The following DISC1 variants were observed in gnomAD, a reference collection of about 807,000 sequenced individuals.
DISC1 encodes DISC1 scaffold protein.
Under a neutral mutation model 84.5 loss-of-function variants are expected in DISC1, and 57 were observed. The ratio of observed to expected loss-of-function variants is 0.67; its 90% CI spans 0.55 to 0.84. DISC1 has a LOEUF of 0.84. DISC1 is among the 40% of genes least tolerant of loss of function. The pLI is 0.00. For synonymous variants in DISC1, 411 were observed against 415.2 expected (o/e 0.99, Z 0.12); for missense variants, 1,000 against 1,057.8 (o/e 0.95, Z 0.76).
At chr1:231,744,883 A>G (rs1482971901) in intron 3 of DISC1, among the ~76,000 whole-genome samples, 4 of 152,176 alleles carry the variant, frequency 2.6e-5, no homozygotes, top group Admixed American at 2.6e-4. Context: ...TTTAAAGAGT[A>G]TCTACAGAAT....
intron 10 of DISC1, chr1:231,959,364 T>A: frequency 1.0e-6 from 1 of 985,870 alleles, no homozygotes; most frequent in Non-Finnish European, 1.2e-6. Flanking sequence ...AATTAGGAAT[T>A]CATCTTTGAG....
chr1:232,000,630 C>T (rs7525995), intron 10 of DISC1, among the ~76,000 whole-genome samples: 1,548 of 152,156 alleles, frequency 0.01, 29 homozygotes, highest in African/African-American at 0.035. Flanking sequence ...AAAATAAATC[C>T]ACACTAAGAC....
chr1:231,719,467 G>A (rs1433778421), intron 3 of DISC1, among the ~76,000 whole-genome samples: 1 of 152,174 alleles, frequency 6.6e-6, no homozygotes, highest in East Asian at 1.9e-4. Flanking sequence ...GGTCAACCTT[G>A]TTAAAAACCT....
At chr1:231,815,505 G>A (rs971108600) in intron 8 of DISC1, among the ~76,000 whole-genome samples, 2 of 152,176 alleles carry the variant, frequency 1.3e-5, no homozygotes, top group Non-Finnish European at 2.9e-5. Flanking sequence ...TTGGAAGGCT[G>A]AGGTGGGTGG....
chr1:231,744,532 G>T (rs1282741993), intron 3 of DISC1, among the ~76,000 whole-genome samples: 2 of 152,056 alleles, frequency 1.3e-5, no homozygotes, highest in African/African-American at 2.4e-5. Flanking sequence ...CAAAGAAAAT[G>T]GAATCAACTT....
intron 10 of DISC1, among the ~76,000 whole-genome samples, chr1:231,992,832 G>T (rs1156432404): frequency 1.3e-5 from 2 of 152,164 alleles, no homozygotes. Context: ...TAGCTTCCCT[G>T]AGTGTTCATT....
chr1:231,896,996 G>A (rs1261135384), intron 9 of DISC1, among the ~76,000 whole-genome samples: 1 of 152,194 alleles, frequency 6.6e-6, no homozygotes, highest in East Asian at 1.9e-4. Context: ...ATCACTGACT[G>A]TTACGGGATC....
intron 1 of DISC1, among the ~76,000 whole-genome samples, chr1:231,669,470 G>A (rs879123925): frequency 2.6e-5 from 4 of 152,008 alleles, no homozygotes; most frequent in African/African-American, 4.8e-5. Flanking sequence ...TTTACAAACT[G>A]CATCCAACGA....
chr1:231,834,909 C>T lies in DISC1; in HGVS notation c.1981+16392C>T, dbSNP rs553561699. Among the ~76,000 whole-genome samples the T allele has an allele frequency of 4.6e-5, 7 of 152,342 alleles. No homozygotes were observed. In the South Asian group the frequency reaches 1.4e-3, roughly 32 times the overall value. ...TTAAACACCAAGCGAAGACTGTCTT[C>T]CCGAGTCCGTGAACAGCGCCAGAGT... On this transcript the variant is annotated intron_variant, in intron 9 of 12. Coordinates refer to ENST00000439617, the MANE Select transcript of DISC1 (RefSeq NM_018662.3).
intron 3 of DISC1, chr1:231,722,987 C>T (rs2125115914): frequency 2.5e-5 from 29 of 1,157,450 alleles, no homozygotes; most frequent in Non-Finnish European, 2.9e-5. Flanking sequence ...GGGAATTAAA[C>T]TTCGGAGGCC....
At chr1:231,802,855 T>C (rs113852181) in intron 8 of DISC1, among the ~76,000 whole-genome samples, 152 of 152,142 alleles carry the variant, frequency 1.0e-3, no homozygotes, top group Non-Finnish European at 1.8e-3. Context: ...TTTTTCTAGT[T>C]TCTGATATAT....
At position 232,036,478 on chromosome 1, in the gene DISC1, C is replaced by G. The variant is rs375949284; in HGVS notation, c.2426-214C>G. On this transcript the variant is annotated intron_variant, in intron 12 of 12. Transcript: ENST00000439617. ...TTTTTAAGACCTGACTTGAGAGAGT[C>G]AATACCTCAGGCATTGTAGAAATTG... Among the ~76,000 whole-genome samples, 66 of 152,256 alleles carry G rather than the reference C, an allele frequency of 4.3e-4. 1 individual carries two copies. The South Asian group carries it at 0.012, about 28-fold the overall frequency.
At chr1:231,741,625 G>A (rs2073291291) in intron 3 of DISC1, among the ~76,000 whole-genome samples, 1 of 152,168 alleles carries the variant, frequency 6.6e-6, no homozygotes, top group Non-Finnish European at 1.5e-5. Context: ...CCTGTGCTTA[G>A]GGAGCTGGTG....
At chr1:231,769,466 G>T (rs2076398005) in intron 5 of DISC1, among the ~76,000 whole-genome samples, 1 of 152,208 alleles carries the variant, frequency 6.6e-6, no homozygotes, top group East Asian at 1.9e-4. Flanking sequence ...CTACAGCATG[G>T]TTGAACCTTG....
At chr1:232,033,469 G>A (rs1007534584) in intron 12 of DISC1, among the ~76,000 whole-genome samples, 29 of 152,242 alleles carry the variant, frequency 1.9e-4, no homozygotes, top group African/African-American at 6.3e-4. Context: ...CCAAACTGAC[G>A]ATGTCACCCC....
chr1:231,914,782 A>G (rs1158582446), intron 9 of DISC1, among the ~76,000 whole-genome samples: 1 of 152,240 alleles, frequency 6.6e-6, no homozygotes, highest in African/African-American at 2.4e-5. Context: ...TAAGTCCACG[A>G]CATTTCTGTC....
At chr1:231,918,047 G>A (rs1408786972) in intron 9 of DISC1, among the ~76,000 whole-genome samples, 1 of 152,246 alleles carries the variant, frequency 6.6e-6, no homozygotes, top group Non-Finnish European at 1.5e-5. Flanking sequence ...TCTGATGCAT[G>A]TTCATGACTT....
intron 9 of DISC1, among the ~76,000 whole-genome samples, chr1:231,846,598 C>T (rs1221794669): frequency 6.6e-6 from 1 of 152,156 alleles, no homozygotes; most frequent in Non-Finnish European, 1.5e-5. Flanking sequence ...TAGACACTCA[C>T]GGTGCAGGGA....
intron 1 of DISC1, among the ~76,000 whole-genome samples, chr1:231,682,577 C>T (rs2063799109): frequency 1.3e-5 from 2 of 152,188 alleles, no homozygotes; most frequent in Non-Finnish European, 2.9e-5. Context: ...ACCATGCTCA[C>T]TCATAAGAGG....
Sources: gnomAD v4.1 joint callset for allele counts (sites outside exome capture counted in the v4.1 genomes callset) on GRCh38, gnomAD v4.1.1 for gene constraint, MANE v1.5 for transcripts, NCBI Gene and HGNC (gene_info 2026-07-23, HGNC 2026-07-21) for gene names.